The following TSPAN18 variants were observed in gnomAD, a reference collection of about 807,000 sequenced individuals.
TSPAN18 encodes tetraspanin-18.
Under a neutral mutation model 27.3 loss-of-function variants are expected in TSPAN18, and 14 were observed. The observed-to-expected ratio is 0.51, with a 90% confidence interval of 0.34 to 0.80. The LOEUF (loss-of-function observed/expected upper bound fraction) is 0.80, where lower values mean the gene tolerates loss of function less well. Among genes scored for constraint, TSPAN18 ranks in the 30% least tolerant of loss-of-function variants. The pLI is 0.01. For missense variants in TSPAN18, 268 were observed against 323.9 expected, an observed-to-expected ratio of 0.83 and a Z score of 1.32; for synonymous variants, 143 against 136.5, an observed-to-expected ratio of 1.05 and a Z score of -0.33.
At chr11:44,863,050 G>A (rs1857938847) in intron 3 of TSPAN18, among the ~76,000 whole-genome samples, 1 of 152,158 alleles carries the variant, frequency 6.6e-6, no homozygotes, top group Admixed American at 6.5e-5. Flanking sequence ...TAAGGGAGAC[G>A]ATCAAAGTCA....
intron 3 of TSPAN18, among the ~76,000 whole-genome samples, chr11:44,868,340 G>A (rs1457250364): frequency 1.3e-5 from 2 of 152,188 alleles, no homozygotes; most frequent in Non-Finnish European, 2.9e-5. Context: ...GCACATCTGG[G>A]TGCTAGGCCT....
chr11:44,790,634 A>T (rs1413807604), intron 2 of TSPAN18, among the ~76,000 whole-genome samples: 1 of 152,038 alleles, frequency 6.6e-6, no homozygotes, highest in Non-Finnish European at 1.5e-5. Context: ...GCATGTGTAC[A>T]CTTGCTTGAA....
At chr11:44,842,507 A>G (rs947744737) in intron 2 of TSPAN18, among the ~76,000 whole-genome samples, 3 of 152,156 alleles carry the variant, frequency 2.0e-5, no homozygotes, top group African/African-American at 7.2e-5. Flanking sequence ...CTTTGTGCAG[A>G]TGGGATGATG....
chr11:44,827,444 G>C (rs530076419), intron 2 of TSPAN18, among the ~76,000 whole-genome samples: 12 of 152,348 alleles, frequency 7.9e-5, no homozygotes, highest in Admixed American at 2.0e-4. Flanking sequence ...CCCTAGAGGA[G>C]GGTAGGTGAT....
In TSPAN18 at chr11:44,919,207, C is replaced by A. The variant is rs1273226264; in HGVS notation, c.334-7C>A. ...GGCCTAAGCCCATCTTCTCCCTCTG[C>A]CCCCAGCTCACCCGAGAATTCTTCA... On this transcript the variant is annotated splice_polypyrimidine_tract_variant and splice_region_variant and intron_variant, in intron 6 of 9. Coordinates refer to ENST00000520358, the MANE Select transcript of TSPAN18 (RefSeq NM_130783.5). The A allele has an allele frequency of 6.2e-7, 1 of 1,612,668 alleles. No individual in the cohort carries two copies. Among genetic ancestry groups the A allele is most frequent in the African/African-American group, 1.3e-5 (1 of 74,914 alleles).
intron 3 of TSPAN18, chr11:44,903,207 A>G (rs67519817): frequency 0.089 from 31,814 of 356,058 alleles, 1,654 homozygotes; most frequent in Middle Eastern, 0.14. Context: ...AGGAGGGGGG[A>G]ATCAGGGAAG....
At chr11:44,802,710 G>A (rs1052363704) in intron 2 of TSPAN18, among the ~76,000 whole-genome samples, 1 of 151,980 alleles carries the variant, frequency 6.6e-6, no homozygotes, top group Non-Finnish European at 1.5e-5. Context: ...CTGTGGGTGG[G>A]GACTCCAGGG....
intron 2 of TSPAN18, among the ~76,000 whole-genome samples, chr11:44,776,793 G>A (rs1855819676): frequency 6.6e-6 from 1 of 152,216 alleles, no homozygotes; most frequent in South Asian, 2.1e-4. Context: ...AGCTGAGGAA[G>A]TGCTGGGTCA....
intron 4 of TSPAN18, among the ~76,000 whole-genome samples, chr11:44,908,831 A>AAAAG (rs1590671474): frequency 1.0e-5 from 1 of 96,160 alleles, no homozygotes; most frequent in Admixed American, 1.0e-4. Flanking sequence ...AAGAAAGAAA[A>AAAAG]AGAAAAATGG....
At chr11:44,774,916 C>T (rs1855769183) in intron 2 of TSPAN18, among the ~76,000 whole-genome samples, 1 of 152,214 alleles carries the variant, frequency 6.6e-6, no homozygotes, top group African/African-American at 2.4e-5. Flanking sequence ...CCTTCGTTTC[C>T]TGCTTTTGTT....
At chr11:44,781,605 A>G (rs1460397360) in intron 2 of TSPAN18, among the ~76,000 whole-genome samples, 1 of 152,174 alleles carries the variant, frequency 6.6e-6, no homozygotes, top group East Asian at 1.9e-4. Flanking sequence ...AGCCCCGGGC[A>G]CATTTGGTAA....
intron 1 of TSPAN18, among the ~76,000 whole-genome samples, chr11:44,763,650 C>T (rs1855502265): frequency 6.6e-6 from 1 of 152,098 alleles, no homozygotes; most frequent in East Asian, 1.9e-4. Context: ...ACTGGAGTTC[C>T]CACACCAAGT....
intron 1 of TSPAN18, among the ~76,000 whole-genome samples, chr11:44,741,905 CT>C (rs1443723523): frequency 2.6e-5 from 4 of 151,356 alleles, no homozygotes; most frequent in African/African-American, 9.7e-5. Context: ...CCTTCCTCTC[CT>C]CTCTCTGCTC....
chr11:44,799,494 C>T (rs1000627917), intron 2 of TSPAN18, among the ~76,000 whole-genome samples: 1 of 152,214 alleles, frequency 6.6e-6, no homozygotes, highest in Non-Finnish European at 1.5e-5. Context: ...ATCTGTTAGC[C>T]CTCCAAGTAA....
At chr11:44,778,731 G>C (rs1158651044) in intron 2 of TSPAN18, among the ~76,000 whole-genome samples, 2 of 152,182 alleles carry the variant, frequency 1.3e-5, no homozygotes, top group Non-Finnish European at 2.9e-5. Flanking sequence ...GTGGGGCCCT[G>C]GGATACACAG....
intron 3 of TSPAN18, among the ~76,000 whole-genome samples, chr11:44,874,076 G>C (rs1336856488): frequency 1.3e-5 from 2 of 152,164 alleles, no homozygotes; most frequent in Non-Finnish European, 2.9e-5. Flanking sequence ...GGGTGGGAAA[G>C]ACCCCTGTAT....
chr11:44,735,302 C>T (rs960714616), intron 1 of TSPAN18, among the ~76,000 whole-genome samples: 33 of 152,330 alleles, frequency 2.2e-4, no homozygotes, highest in African/African-American at 3.6e-4. Flanking sequence ...CCCTTTGAGG[C>T]GGCTTATTGC....
chr11:44,753,048 A>C (rs1271724768), intron 1 of TSPAN18, among the ~76,000 whole-genome samples: 22 of 152,214 alleles, frequency 1.4e-4, no homozygotes, highest in Admixed American at 1.4e-3. Flanking sequence ...GACTTTTCTT[A>C]ACAGTATCCA....
intron 8 of TSPAN18, chr11:44,926,280 G>A (rs1459987373): frequency 1.1e-5 from 2 of 183,406 alleles, no homozygotes; most frequent in Non-Finnish European, 2.3e-5. Flanking sequence ...CCACCTGTTG[G>A]CACCCGAAGG....
Sources: allele counts gnomAD v4.1 joint callset (sites outside exome capture counted in the v4.1 genomes callset), GRCh38; gene constraint gnomAD v4.1.1; transcripts MANE v1.5; gene names NCBI Gene and HGNC (gene_info 2026-07-23, HGNC 2026-07-21).